Variants in TNFSF14 observed in about 807,000 individuals in gnomAD.
TNFSF14 encodes the protein tumor necrosis factor ligand superfamily member 14.
A neutral mutation model predicts 22.7 loss-of-function variants in TNFSF14; 15 were observed. That is an observed-to-expected ratio of 0.66 (90% CI 0.44 to 1.02). The LOEUF is 1.02. TNFSF14 is among the 50% of genes least tolerant of loss of function. TNFSF14 has a pLI of 0.00. For synonymous variants in TNFSF14, 133 were observed against 139.6 expected, an observed-to-expected ratio of 0.95 and a Z score of 0.33; for missense variants, 287 against 326.2, an observed-to-expected ratio of 0.88 and a Z score of 0.93.
chr19:6,669,209 C>T (rs144913736), intron 1 of TNFSF14, among the ~76,000 whole-genome samples: 1,747 of 152,192 alleles, frequency 0.011, 27 homozygotes, highest in African/African-American at 0.04. Flanking sequence ...GAAGGCCAGG[C>T]GCAGTGGCTC....
chr19:6,665,519 C>T (rs904337462), intron 3 of TNFSF14, among the ~76,000 whole-genome samples, 169 bp from the exon 4 acceptor site: 32 of 152,178 alleles, frequency 2.1e-4, no homozygotes, highest in Admixed American at 5.2e-4. Flanking sequence ...AGCGATTGTC[C>T]TGCTTCAGTC....
rs558938966 is a variant in TNFSF14 at position 6,663,730 on chromosome 19, G to C, written c.*1196C>G. 6.6e-6 allele frequency: 1 copy of C among 152,434 alleles called. No homozygotes were observed. Among genetic ancestry groups the C allele is most frequent in the Admixed American group, 6.5e-5 (1 of 15,272 alleles). 9.4% of individuals were successfully genotyped at this position (152,434 alleles called of 1,614,324 possible). On this transcript the variant is annotated 3_prime_UTR_variant, in exon 4 of 4. Transcript: ENST00000675206. Reference sequence around the variant, plus strand: ...TGGTTGTGCATGAATCTGGCACTTCGCGTGTATGAGTCTATAGTTGTGAAA... The same window carrying C: ...TGGTTGTGCATGAATCTGGCACTTCCCGTGTATGAGTCTATAGTTGTGAAA...
intron 1 of TNFSF14, 95 bp downstream of exon 1, chr19:6,669,756 A>ACACG: frequency 6.5e-7 from 1 of 1,527,612 alleles, no homozygotes; most frequent in Non-Finnish European, 8.8e-7. Context: ...ACACACACAC[A>ACACG]CACACACACA....
At chr19:6,669,274 G>A (rs1292504354) in intron 1 of TNFSF14, among the ~76,000 whole-genome samples, 1 of 152,176 alleles carries the variant, frequency 6.6e-6, no homozygotes, top group Admixed American at 6.5e-5. Flanking sequence ...TCCTGAGGTC[G>A]GGAGTTTGAG....
rs1917330369 is a variant in TNFSF14 at position 6,664,021 on chromosome 19, G to A, written c.*905C>T. ...AGCTGTCCCCCTCCCAGGACAGCTG[G>A]TTGTTAAACAGTTATGAGCACGCTG... is the stretch of plus-strand genomic sequence containing the variant. On this transcript the variant is annotated 3_prime_UTR_variant, in exon 4 of 4. Coordinates refer to ENST00000675206, the MANE Select transcript of TNFSF14 (RefSeq NM_001376887.1). This position sits in a 1 kb window ranked among gnomAD's most constrained non-coding sequence, Gnocchi z 4.7. 6.6e-6 allele frequency: 1 copy of A among 152,172 alleles called. No homozygotes were observed. Among genetic ancestry groups the A allele is most frequent in the African/African-American group, 2.4e-5 (1 of 41,402 alleles). 9.4% of individuals were successfully genotyped at this position (152,172 alleles called of 1,614,324 possible). A position where few individuals can be genotyped will look rare whatever the true frequency, so the allele number is the denominator to read the frequency against.
Position 6,667,169 on chromosome 19 carries a change from T to C in TNFSF14, c.257-15A>G. ...AGACCTTCGCTCTGGGGAAAGAGGG[T>C]CAGAGGTTAGAGACGAAGACAGTGG... On this transcript the variant is annotated splice_polypyrimidine_tract_variant and intron_variant, in intron 2 of 3. Coordinates refer to ENST00000675206, the MANE Select transcript of TNFSF14 (RefSeq NM_001376887.1). The C allele has an allele frequency of 6.3e-7, 1 of 1,577,680 alleles. No homozygotes were observed. Among genetic ancestry groups the C allele is most frequent in the South Asian group, 1.1e-5 (1 of 87,000 alleles).
At chr19:6,665,778 T>TGTGTGC (rs960686705) in intron 3 of TNFSF14, among the ~76,000 whole-genome samples, 3 of 129,910 alleles carry the variant, frequency 2.3e-5, no homozygotes, top group Non-Finnish European at 3.2e-5. Context: ...TGTGTGTGCA[T>TGTGTGC]GTGTGCGTGT....
chr19:6,668,708 CAA>C (rs56998273), intron 1 of TNFSF14, among the ~76,000 whole-genome samples: 3 of 139,338 alleles, frequency 2.2e-5, no homozygotes, highest in Admixed American at 1.4e-4. Flanking sequence ...AACCTTGTCT[CAA>C]AAAAAAAAAA....
intron 1 of TNFSF14, among the ~76,000 whole-genome samples, chr19:6,668,643 G>T (rs1334268922): frequency 6.6e-6 from 1 of 152,110 alleles, no homozygotes; most frequent in Non-Finnish European, 1.5e-5. Flanking sequence ...TGGGAGGTGG[G>T]GTTGTAGTGA....
intron 3 of TNFSF14, among the ~76,000 whole-genome samples, chr19:6,665,720 A>G (rs1039421165): frequency 2.7e-5 from 4 of 146,490 alleles, no homozygotes; most frequent in Non-Finnish European, 6.0e-5. Flanking sequence ...CACATGTCTT[A>G]CTCCTGCTGT....
At position 6,670,158 on chromosome 19, in the gene TNFSF14, G is replaced by T; in HGVS notation, c.-89C>A. 1 of 1,536,318 alleles carries T rather than the reference G, an allele frequency of 6.5e-7. No individual in the cohort carries two copies. On this transcript the variant is annotated 5_prime_UTR_variant, in exon 1 of 4. Coordinates refer to ENST00000675206, the MANE Select transcript of TNFSF14 (RefSeq NM_001376887.1). The stretch of plus-strand genomic sequence containing the variant: ...TGCTCAACACTCCTGGGCTGTGCAC[G>T]CTGCGGACAGGCACCCGTGGGCCGC...
Position 6,664,946 on chromosome 19 carries a change from A to G in TNFSF14, c.703T>C (p.Phe235Leu). 1 of 1,598,836 alleles carries G rather than the reference A, an allele frequency of 6.3e-7. No homozygotes were observed. The highest frequency in any genetic ancestry group is 8.6e-7 in the Non-Finnish European group (1 of 1,168,652). ...VRLRDGTRSY[F>L]GAFMV ...TTCCTTCACACCATGAAAGCCCCGA[A>G]GTAAGACCGGGTACCATCACGCAGT... Residue 235 changes from phenylalanine (F) to leucine (L), a missense_variant, in exon 4 of 4, where the codon TTC becomes CTC. Transcript: ENST00000675206. This position sits in a 1 kb window ranked among gnomAD's most constrained non-coding sequence, Gnocchi z 4.7.
chr19:6,669,715 G>A (rs1288886110), intron 1 of TNFSF14, 136 bp downstream of exon 1: 1 of 1,367,978 alleles, frequency 7.3e-7, no homozygotes, highest in Non-Finnish European at 9.8e-7. Context: ...CAAGCCAGCT[G>A]CTCTCAGCCT....
At chr19:6,666,358 C>A (rs569901281) in intron 3 of TNFSF14, among the ~76,000 whole-genome samples, 63 of 146,012 alleles carry the variant, frequency 4.3e-4, no homozygotes, top group Non-Finnish European at 8.0e-4. Context: ...GCCGTGATAG[C>A]ACCACTCCAG....
rs1324719908 is a variant in TNFSF14 at position 6,664,875 on chromosome 19, T to G, written c.*51A>C. 3 of 1,530,270 alleles carry G rather than the reference T, an allele frequency of 2.0e-6. No individual in the cohort carries two copies. The highest frequency in any genetic ancestry group is 2.6e-6 in the Non-Finnish European group (3 of 1,135,112). The allele number at this position is 1,530,270 out of a possible 1,614,324, so 94.8% of individuals were successfully genotyped here. ...GAGTTTTCTTTCCCCTGAGGCACCCTCTGAGTTCTCCACGTGTCAGACCCA... is the reference window on the plus strand; with the variant it reads ...GAGTTTTCTTTCCCCTGAGGCACCCGCTGAGTTCTCCACGTGTCAGACCCA... On this transcript the variant is annotated 3_prime_UTR_variant, in exon 4 of 4. Coordinates refer to ENST00000675206, the MANE Select transcript of TNFSF14 (RefSeq NM_001376887.1). This position sits in a 1 kb window ranked among gnomAD's most constrained non-coding sequence, Gnocchi z 4.7.
At chr19:6,667,028 A>G in intron 3 of TNFSF14, 85 bp downstream of exon 3, 1 of 1,463,824 alleles carries the variant, frequency 6.8e-7, no homozygotes. Flanking sequence ...TGAATGAATG[A>G]ATACACTGAT....
At position 6,669,908 on chromosome 19, in the gene TNFSF14, T is replaced by C. The variant is rs1043449845; in HGVS notation, c.162A>G (p.Gln54=). The C allele has an allele frequency of 3.1e-6, 5 of 1,613,874 alleles. No individual in the cohort carries two copies. Among genetic ancestry groups the C allele is most frequent in the Non-Finnish European group, 4.2e-6 (5 of 1,179,972 alleles). ...LLLMGAGLAV[Q]GWFLLQLHWR... is the part of the protein sequence containing the mutation. Reference sequence around the variant, plus strand: ...AGTGCAGCTGCAGGAGGAACCAGCCTTGGACGGCCAGCCCGGCCCCCATCA... The same window carrying C: ...AGTGCAGCTGCAGGAGGAACCAGCCCTGGACGGCCAGCCCGGCCCCCATCA... Residue 54 remains glutamine (Q), a synonymous_variant, in exon 1 of 4, where the codon CAA becomes CAG. Coordinates refer to ENST00000675206, the MANE Select transcript of TNFSF14 (RefSeq NM_001376887.1).
chr19:6,666,004 C>A (rs1169769680), intron 3 of TNFSF14, among the ~76,000 whole-genome samples: 1 of 152,028 alleles, frequency 6.6e-6, no homozygotes, highest in Non-Finnish European at 1.5e-5. Context: ...CACAGGGAAG[C>A]AAATTAACTT....
chr19:6,665,757 C>T (rs1420016677), intron 3 of TNFSF14, among the ~76,000 whole-genome samples: 1 of 150,098 alleles, frequency 6.7e-6, no homozygotes. Context: ...CACCACTAGG[C>T]TGTTTGTGTG....
Sources: gnomAD v4.1 joint callset for allele counts (sites outside exome capture counted in the v4.1 genomes callset) on GRCh38, gnomAD v4.1.1 for gene constraint, Gnocchi (gnomAD v3.1) non-coding constraint, MANE v1.5 for transcripts, NCBI Gene and HGNC (gene_info 2026-07-23, HGNC 2026-07-21) for gene names.